ATP9A: variants seen among roughly 807,000 people sequenced by gnomAD.
ATP9A encodes the protein ATPase phospholipid transporting 9A.
A neutral mutation model predicts 144.1 loss-of-function variants in ATP9A; 52 were observed. The observed-to-expected ratio is 0.36, with a 90% CI of 0.29 to 0.45. The LOEUF (loss-of-function observed/expected upper bound fraction) is 0.45. Among genes scored for constraint, ATP9A ranks in the 20% least tolerant of loss-of-function variants. The pLI is 1.00. For missense variants in ATP9A, 947 were observed against 1,392.7 expected (o/e 0.68, Z 5.09); for synonymous variants, 582 against 557.4 (o/e 1.04, Z -0.62).
chr20:51,658,889 G>GGTGGGC (rs1555833843), intron 13 of ATP9A, among the ~76,000 whole-genome samples: 2 of 30,968 alleles, frequency 6.5e-5, no homozygotes, highest in Non-Finnish European at 1.4e-4. Flanking sequence ...GACCACTGGC[G>GGTGGGC]GGGGGGGGGG....
At chr20:51,678,512 C>T (rs2077486693) in intron 9 of ATP9A, among the ~76,000 whole-genome samples, 1 of 152,196 alleles carries the variant, frequency 6.6e-6, no homozygotes, top group Non-Finnish European at 1.5e-5. Context: ...ATGCAGTTCC[C>T]TTCCAAGGAG....
intron 1 of ATP9A, among the ~76,000 whole-genome samples, chr20:51,763,206 T>C (rs1197053108): frequency 6.6e-6 from 1 of 151,466 alleles, no homozygotes; most frequent in Non-Finnish European, 1.5e-5. Flanking sequence ...GAATTGCAGA[T>C]GGGCTGGAGG....
chr20:51,758,595 G>A (rs2077866031), intron 1 of ATP9A, among the ~76,000 whole-genome samples: 1 of 152,154 alleles, frequency 6.6e-6, no homozygotes, highest in Admixed American at 6.5e-5. Flanking sequence ...TGGACTACAG[G>A]GACCTCCTCT....
intron 1 of ATP9A, among the ~76,000 whole-genome samples, chr20:51,742,645 G>A (rs1300471194): frequency 6.6e-6 from 1 of 152,134 alleles, no homozygotes; most frequent in Non-Finnish European, 1.5e-5. Context: ...CACCCAAGCA[G>A]CTGGGATTAC....
In ATP9A at chr20:51,713,060, G is replaced by A. The variant is rs183613927; in HGVS notation, c.342C>T (p.Ala114=). The change falls in exon 4 of 28, where the codon GCC becomes GCT. Residue 114 remains alanine, a synonymous_variant. Coordinates refer to ENST00000338821, the MANE Select transcript of ATP9A (RefSeq NM_006045.3). ...CCACCGCCTCACGGATGACAGTGAC[G>A]GCCAGCACGAAGCCCTGCAGAGACA... ...TYWVPLGFVL[A]VTVIREAVEE... 11 of 1,611,218 alleles carry A rather than the reference G, an allele frequency of 6.8e-6. No individual in the cohort carries two copies. Among genetic ancestry groups the A allele is most frequent in the South Asian group, 1.1e-5 (1 of 90,474 alleles).
rs755356550 is a variant in ATP9A at position 51,725,949 on chromosome 20, C to A, written c.214-17G>T. 4.2e-5 allele frequency: 61 copies of A among 1,443,826 alleles called. 1 individual carries two copies. The South Asian group carries it at 6.7e-4, about 16-fold the overall frequency. 89.4% of individuals were successfully genotyped at this position (1,443,826 alleles called of 1,614,324 possible). A position where few individuals can be genotyped will look rare whatever the true frequency, so the allele number is the denominator to read the frequency against. ...GAACAGCACCTGGAATGGAGGGAGA[C>A]AACAGAGAAAGACATTCAGGGCTTG... On this transcript the variant is annotated splice_polypyrimidine_tract_variant and intron_variant, in intron 2 of 27. Transcript: ENST00000338821.
intron 2 of ATP9A, among the ~76,000 whole-genome samples, chr20:51,726,936 T>C (rs2077716845): frequency 7.3e-6 from 1 of 136,094 alleles, no homozygotes; most frequent in Non-Finnish European, 1.5e-5. Context: ...CCTTGCTCTG[T>C]TGTTTAGGAG....
intron 7 of ATP9A, among the ~76,000 whole-genome samples, chr20:51,693,529 G>A (rs926269613): frequency 1.3e-5 from 2 of 151,740 alleles, no homozygotes; most frequent in Non-Finnish European, 2.9e-5. Context: ...TTTATTTTAT[G>A]GTTATTACTT....
At chr20:51,670,472 T>C (rs1053129421) in intron 12 of ATP9A, among the ~76,000 whole-genome samples, 1 of 152,102 alleles carries the variant, frequency 6.6e-6, no homozygotes, top group Non-Finnish European at 1.5e-5. Context: ...GAAAGATACA[T>C]CCCTAATGGC....
intron 9 of ATP9A, among the ~76,000 whole-genome samples, chr20:51,686,642 T>C (rs2077524342): frequency 6.6e-6 from 1 of 152,094 alleles, no homozygotes; most frequent in African/African-American, 2.4e-5. Context: ...TAAATCAAAA[T>C]TAAAACAGTA....
At chr20:51,640,068 T>G (rs1225989994) in intron 14 of ATP9A, among the ~76,000 whole-genome samples, 5 of 151,754 alleles carry the variant, frequency 3.3e-5, no homozygotes, top group Non-Finnish European at 7.4e-5. Flanking sequence ...CTGGGTGACA[T>G]AGCGAGACTC....
chr20:51,721,152 C>T (rs1024340288), intron 3 of ATP9A, among the ~76,000 whole-genome samples: 2 of 152,376 alleles, frequency 1.3e-5, no homozygotes, highest in South Asian at 2.1e-4. Flanking sequence ...GCACGTACGG[C>T]GTATGCACGC....
chr20:51,657,250 T>A (rs754181397), intron 13 of ATP9A, 100 bp from the exon 14 acceptor site: 1 of 933,754 alleles, frequency 1.1e-6, no homozygotes. Context: ...TTTCTACTGT[T>A]CCAACACACA....
chr20:51,671,391 T>C lies in ATP9A; in HGVS notation c.1038-134A>G, dbSNP rs577362070. On this transcript the variant is annotated intron_variant, in intron 11 of 27. Coordinates refer to ENST00000338821, the MANE Select transcript of ATP9A (RefSeq NM_006045.3). The stretch of plus-strand genomic sequence containing the variant: ...CCCTGCAGAAGCACACTGCCAGAGC[T>C]GAACGCACAGACTCAGCAAGAGCCA... The C allele has an allele frequency of 1.2e-5, 12 of 975,154 alleles. No individual in the cohort carries two copies. In the Admixed American group the frequency reaches 2.3e-4, roughly 18 times the overall value. The allele number at this position is 975,154 out of a possible 1,614,324, so 60.4% of individuals were successfully genotyped here.
At chr20:51,735,953 C>T (rs2077761049) in intron 1 of ATP9A, among the ~76,000 whole-genome samples, 2 of 152,176 alleles carry the variant, frequency 1.3e-5, no homozygotes, top group Admixed American at 1.3e-4. Flanking sequence ...ACCTTGTAGC[C>T]TAGTGGAGGG....
intron 1 of ATP9A, among the ~76,000 whole-genome samples, chr20:51,747,128 G>A (rs1174492300): frequency 3.5e-5 from 5 of 143,456 alleles, no homozygotes; most frequent in Admixed American, 1.4e-4. Context: ...TGTTTAACTA[G>A]GAGAATACAA....
At chr20:51,676,307 T>TA in intron 9 of ATP9A, 99 bp from the exon 10 acceptor site, 2 of 949,636 alleles carry the variant, frequency 2.1e-6, no homozygotes, top group East Asian at 2.8e-5. Flanking sequence ...GAGACTGGGT[T>TA]CTTTTTTTTT....
chr20:51,682,577 CTTTTTTTTTTTTTTT>C (rs60505207), intron 9 of ATP9A, among the ~76,000 whole-genome samples: 9 of 35,084 alleles, frequency 2.6e-4, no homozygotes, highest in Non-Finnish European at 4.8e-4. Flanking sequence ...TTCACTGTAT[CTTTTTTTTTTTTTTT>C]TTTTTTTTTT....
At chr20:51,661,931 C>T (rs1219400475) in intron 13 of ATP9A, among the ~76,000 whole-genome samples, 3 of 152,206 alleles carry the variant, frequency 2.0e-5, no homozygotes. Flanking sequence ...ATATCATCAT[C>T]ATTCTCAACT....
Sources: allele counts gnomAD v4.1 joint callset (sites outside exome capture counted in the v4.1 genomes callset), GRCh38; gene constraint gnomAD v4.1.1; transcripts MANE v1.5; gene names NCBI Gene and HGNC (gene_info 2026-07-23, HGNC 2026-07-21).